Variants in ANO3 observed in about 807,000 individuals in gnomAD.
The protein encoded by ANO3 is anoctamin 3.
Under a neutral mutation model 144.8 loss-of-function variants are expected in ANO3, and 99 were observed. That is an observed-to-expected ratio of 0.68 (90% CI 0.58 to 0.81). The LOEUF (loss-of-function observed/expected upper bound fraction) is 0.81. Among genes scored for constraint, ANO3 ranks in the 30% least tolerant of loss-of-function variants. The probability of loss-of-function intolerance (pLI) is 0.00; values close to 1 mark genes in which losing one functional copy is unlikely to be tolerated. For synonymous variants in ANO3, 414 were observed against 392.6 expected (o/e 1.05, Z -0.64); for missense variants, 905 against 1,202.2 (o/e 0.75, Z 3.66).
rs1376337647 is a variant in ANO3 at position 26,516,842 on chromosome 11, C to G, written c.607C>G (p.Pro203Ala). Residue 203 changes from proline to alanine, a missense_variant, in exon 6 of 27, where the codon CCC (proline) becomes GCC (alanine). Physicochemically the swap from Pro to Ala is conservative, Grantham distance 27. Around this residue, in one of 4 missense-constraint regions of ANO3, gnomAD observed 63 missense variants for 107.3 expected, o/e 0.59. Coordinates refer to ENST00000256737, the MANE Select transcript of ANO3 (RefSeq NM_031418.4). ...TCATTTGCAGCCAGCTATTGCAAGC[C>G]CCGATATCATGTTTATTAAAATTCA... Reference protein sequence around the residue: ...MLEKEPAIASPDIMFIKIHIP... With the variant: ...MLEKEPAIASADIMFIKIHIP... 2 of 1,610,526 alleles carry G rather than the reference C, an allele frequency of 1.2e-6. No individual in the cohort carries two copies. Among genetic ancestry groups the G allele is most frequent in the Non-Finnish European group, 1.7e-6 (2 of 1,177,582 alleles).
intron 1 of ANO3, chr11:26,427,124 C>CATTTTACTA (rs1336995710): frequency 1.5e-5 from 3 of 195,950 alleles, no homozygotes; most frequent in African/African-American, 7.0e-5. Context: ...ACCTCTATGT[C>CATTTTACTA]ATTTTACTAA....
At chr11:26,464,679 A>C (rs914458962) in intron 4 of ANO3, among the ~76,000 whole-genome samples, 1 of 151,782 alleles carries the variant, frequency 6.6e-6, no homozygotes, top group Non-Finnish European at 1.5e-5. Flanking sequence ...TAATGATAAG[A>C]GAATGGTGTA....
intron 10 of ANO3, among the ~76,000 whole-genome samples, chr11:26,541,711 G>T (rs1849648598): frequency 6.6e-6 from 1 of 151,968 alleles, no homozygotes; most frequent in Admixed American, 6.6e-5. Context: ...AAGCTAAATG[G>T]GTTCCATTGT....
At chr11:26,480,543 C>T (rs1565050759) in intron 4 of ANO3, among the ~76,000 whole-genome samples, 1 of 152,148 alleles carries the variant, frequency 6.6e-6, no homozygotes, top group Non-Finnish European at 1.5e-5. Flanking sequence ...GCCGGGCACT[C>T]ATGCCTGTAA....
chr11:26,486,265 G>A (rs1860442805), intron 4 of ANO3, among the ~76,000 whole-genome samples: 1 of 149,750 alleles, frequency 6.7e-6, no homozygotes, highest in Non-Finnish European at 1.5e-5. Flanking sequence ...GGAGGCTGAG[G>A]CAGAAGACTC....
At chr11:26,327,046 A>G (rs1854903355) in intron 1 of ANO3, among the ~76,000 whole-genome samples, 1 of 152,228 alleles carries the variant, frequency 6.6e-6, no homozygotes, top group South Asian at 2.1e-4. Context: ...GCAAATCTAC[A>G]GACTTGTACG....
intron 13 of ANO3, among the ~76,000 whole-genome samples, chr11:26,557,301 A>C (rs1850111896): frequency 6.6e-6 from 1 of 151,830 alleles, no homozygotes; most frequent in African/African-American, 2.4e-5. Flanking sequence ...CTCTACTAAA[A>C]ATACAAAAAA....
rs1304687414 is a variant in ANO3 at position 26,407,068 on chromosome 11, GTGTGTGTGTA to G, written c.47-34848_47-34839del. Among the ~76,000 whole-genome samples the G allele has an allele frequency of 1.5e-4, 14 of 96,466 alleles. 1 individual carries two copies. In the East Asian group the frequency reaches 4.4e-3, roughly 30 times the overall value. 63.3% of individuals were successfully genotyped at this position (96,466 alleles called of 152,430 possible). ...TATGGGTGTGTGTGTGTGTGTGTGT[GTGTGTGTGTA>G]TATATATATATATATGTATATATAT... On this transcript the variant is annotated intron_variant, in intron 1 of 26. Transcript: ENST00000256737.
At chr11:26,264,389 GA>G (rs1407504853) in intron 1 of ANO3, among the ~76,000 whole-genome samples, 2 of 152,144 alleles carry the variant, frequency 1.3e-5, no homozygotes, top group Non-Finnish European at 2.9e-5. Flanking sequence ...GAAGTTCAGG[GA>G]AACACACAAG....
chr11:26,565,119 A>G (rs1346787419), intron 14 of ANO3: 1 of 1,480,494 alleles, frequency 6.8e-7, no homozygotes, highest in East Asian at 2.3e-5. Flanking sequence ...ACTTATTTGG[A>G]ATTTCAGTTT....
At chr11:26,408,050 G>A (rs1857334533) in intron 1 of ANO3, among the ~76,000 whole-genome samples, 1 of 151,966 alleles carries the variant, frequency 6.6e-6, no homozygotes, top group Non-Finnish European at 1.5e-5. Flanking sequence ...GTACCATTCA[G>A]GACATAGACA....
Position 26,516,874 on chromosome 11 carries a change from A to G in ANO3, c.639A>G (p.Pro213=), listed in dbSNP as rs772209022. The G allele has an allele frequency of 1.2e-6, 2 of 1,611,974 alleles. No homozygotes were observed. Among genetic ancestry groups the G allele is most frequent in the East Asian group, 2.2e-5 (1 of 44,832 alleles). Residue 213 remains proline (P), a synonymous_variant, in exon 6 of 27, where the codon CCA becomes CCG. Coordinates refer to ENST00000256737, the MANE Select transcript of ANO3 (RefSeq NM_031418.4). ...PDIMFIKIHI[P]WDTLCKYAER... ...TCATGTTTATTAAAATTCACATTCC[A>G]TGGGACACGCTGTGCAAGTATGCAG... is the stretch of plus-strand genomic sequence containing the variant.
intron 1 of ANO3, among the ~76,000 whole-genome samples, chr11:26,202,352 ATATAT>A (rs1252408403): frequency 2.0e-5 from 3 of 146,514 alleles, no homozygotes; most frequent in African/African-American, 7.4e-5. Flanking sequence ...AGATTATTAT[ATATAT>A]TATATATGTG....
At chr11:26,564,732 C>CATATATATATATATATAT (rs66510170) in intron 14 of ANO3, among the ~76,000 whole-genome samples, 1 of 25,416 alleles carries the variant, frequency 3.9e-5, no homozygotes, top group African/African-American at 1.4e-4. Context: ...CACACACACA[C>CATATATATATATATATAT]ATATATATAT....
At chr11:26,608,382 G>A (rs1389243185) in intron 17 of ANO3, among the ~76,000 whole-genome samples, 1 of 152,156 alleles carries the variant, frequency 6.6e-6, no homozygotes, top group Non-Finnish European at 1.5e-5. Flanking sequence ...TGCATAGGGT[G>A]TCTGACAACC....
chr11:26,365,803 G>A (rs1399408261), intron 1 of ANO3, among the ~76,000 whole-genome samples: 1 of 151,988 alleles, frequency 6.6e-6, no homozygotes. Context: ...TGTGAGGTGA[G>A]AGGTTGCTGT....
At chr11:26,243,847 T>G (rs1488021853) in intron 1 of ANO3, among the ~76,000 whole-genome samples, 1 of 151,988 alleles carries the variant, frequency 6.6e-6, no homozygotes, top group African/African-American at 2.4e-5. Context: ...TGAGGCCAGG[T>G]GCGGTGTCAC....
chr11:26,653,659 T>C (rs1365270789), intron 24 of ANO3, among the ~76,000 whole-genome samples: 5 of 151,736 alleles, frequency 3.3e-5, no homozygotes. Flanking sequence ...ACCACCGCCC[T>C]CTCACAGTCC....
intron 14 of ANO3, 88 bp downstream of exon 14, chr11:26,559,867 C>T: frequency 1.1e-6 from 1 of 877,398 alleles, no homozygotes; most frequent in African/African-American, 1.7e-5. Context: ...CACACACACA[C>T]ACACACACCA....
Sources: allele counts gnomAD v4.1 joint callset (sites outside exome capture counted in the v4.1 genomes callset), GRCh38; gene constraint gnomAD v4.1.1; regional missense constraint gnomAD v4.1.1; transcripts MANE v1.5; gene names NCBI Gene and HGNC (gene_info 2026-07-23, HGNC 2026-07-21).